Variants in FSTL5 observed in about 807,000 individuals in gnomAD.
FSTL5 encodes the protein follistatin like 5.
In FSTL5, 62 loss-of-function variants were observed where a neutral mutation model predicts 89.1. That is an observed-to-expected ratio of 0.70 (90% CI 0.57 to 0.86). The LOEUF (loss-of-function observed/expected upper bound fraction) is 0.86, where lower values mean the gene tolerates loss of function less well. FSTL5 is among the 40% of genes least tolerant of loss of function. The probability of loss-of-function intolerance (pLI) is 0.00; values close to 1 mark genes in which losing one functional copy is unlikely to be tolerated. For missense variants in FSTL5, 1,057 were observed against 1,001.6 expected (o/e 1.06, Z -0.75); for synonymous variants, 383 against 346.2 (o/e 1.11, Z -1.18).
intron 4 of FSTL5, among the ~76,000 whole-genome samples, chr4:161,810,960 C>CGTCA (rs1730118982): frequency 6.6e-6 from 1 of 152,092 alleles, no homozygotes; most frequent in Non-Finnish European, 1.5e-5. Context: ...AGTAACTATG[C>CGTCA]GTCAGCCTCG....
At chr4:161,401,727 C>G (rs1578945615) in intron 15 of FSTL5, among the ~76,000 whole-genome samples, 1 of 152,084 alleles carries the variant, frequency 6.6e-6, no homozygotes, top group African/African-American at 2.4e-5. Flanking sequence ...TGGGATTTCA[C>G]CGTGTTAGCC....
intron 4 of FSTL5, among the ~76,000 whole-genome samples, chr4:161,779,356 T>A (rs1741538088): frequency 6.6e-6 from 1 of 152,168 alleles, no homozygotes; most frequent in Non-Finnish European, 1.5e-5. Context: ...TGTGAATTTA[T>A]TAGTTTAGAA....
chr4:161,501,624 G>A (rs1205091163), intron 11 of FSTL5, among the ~76,000 whole-genome samples: 1 of 151,860 alleles, frequency 6.6e-6, no homozygotes, highest in Non-Finnish European at 1.5e-5. Flanking sequence ...TTTAATAGAT[G>A]TAATCTTTAA....
At chr4:161,640,934 T>A (rs1735936371) in intron 7 of FSTL5, among the ~76,000 whole-genome samples, 2 of 151,828 alleles carry the variant, frequency 1.3e-5, no homozygotes, top group South Asian at 2.1e-4. Flanking sequence ...ATACAAGAGA[T>A]CCTTAGTACA....
chr4:162,077,656 T>G (rs1435180514), intron 2 of FSTL5, among the ~76,000 whole-genome samples: 1 of 151,578 alleles, frequency 6.6e-6, no homozygotes, highest in African/African-American at 2.4e-5. Context: ...TGGTGATAAT[T>G]AAAAAAATAA....
At chr4:162,041,074 T>G (rs112181856) in intron 2 of FSTL5, among the ~76,000 whole-genome samples, 81 of 152,024 alleles carry the variant, frequency 5.3e-4, no homozygotes, top group African/African-American at 1.7e-3. Flanking sequence ...TGATATTCAA[T>G]AGTGGAATTA....
chr4:162,029,264 G>C (rs1475877255), intron 3 of FSTL5, among the ~76,000 whole-genome samples: 2 of 151,776 alleles, frequency 1.3e-5, no homozygotes, highest in Non-Finnish European at 2.9e-5. Flanking sequence ...ATTAGATATA[G>C]TCTTAACATA....
At chr4:162,133,011 C>G (rs74836327) in intron 1 of FSTL5, among the ~76,000 whole-genome samples, 35,338 of 151,864 alleles carry the variant, frequency 0.23, 4,255 homozygotes, top group Non-Finnish European at 0.25. Flanking sequence ...GGCGCAATCT[C>G]GGCTCACTGC....
intron 7 of FSTL5, among the ~76,000 whole-genome samples, chr4:161,615,444 C>CAAAAAAAAAA (rs570217571): frequency 2.3e-5 from 2 of 87,364 alleles, no homozygotes; most frequent in Non-Finnish European, 2.4e-5. Flanking sequence ...GACTCCATCT[C>CAAAAAAAAAA]AAAAAAAAAA....
At chr4:161,798,796 A>T (rs1028975176) in intron 4 of FSTL5, among the ~76,000 whole-genome samples, 2 of 151,746 alleles carry the variant, frequency 1.3e-5, no homozygotes, top group African/African-American at 4.8e-5. Context: ...TTAGCATTTC[A>T]TGCCAAATGC....
intron 6 of FSTL5, among the ~76,000 whole-genome samples, chr4:161,678,456 G>A (rs1175452464): frequency 6.6e-6 from 1 of 151,796 alleles, no homozygotes; most frequent in Non-Finnish European, 1.5e-5. Context: ...CATTACTGCT[G>A]CTGTTGATAA....
intron 2 of FSTL5, among the ~76,000 whole-genome samples, chr4:162,106,469 G>A (rs1251898674): frequency 6.6e-6 from 1 of 151,994 alleles, no homozygotes; most frequent in African/African-American, 2.4e-5. Context: ...GACCCCAAAA[G>A]GATTTAACCA....
At chr4:161,617,357 C>T (rs1188123584) in intron 7 of FSTL5, among the ~76,000 whole-genome samples, 2 of 151,702 alleles carry the variant, frequency 1.3e-5, no homozygotes, top group Non-Finnish European at 2.9e-5. Flanking sequence ...AGAAAAAGTA[C>T]TAAAGAAAAG....
intron 7 of FSTL5, among the ~76,000 whole-genome samples, chr4:161,620,182 A>C (rs1303701079): frequency 7.4e-5 from 8 of 108,804 alleles, no homozygotes; most frequent in African/African-American, 3.0e-4. Context: ...CACTCTGGGG[A>C]CTGTTGTGGG....
intron 3 of FSTL5, among the ~76,000 whole-genome samples, chr4:162,011,601 C>T (rs1736770401): frequency 1.3e-5 from 2 of 152,150 alleles, no homozygotes; most frequent in East Asian, 3.9e-4. Flanking sequence ...TCAAGTGACT[C>T]TCCTGCCTCA....
chr4:161,528,220 C>G (rs940274849), intron 10 of FSTL5, among the ~76,000 whole-genome samples: 7 of 139,642 alleles, frequency 5.0e-5, no homozygotes, highest in African/African-American at 1.5e-4. Context: ...GGGTGCAGCA[C>G]ACCAGCATGT....
chr4:161,425,224 G>C (rs1732130902), intron 15 of FSTL5, among the ~76,000 whole-genome samples: 1 of 152,108 alleles, frequency 6.6e-6, no homozygotes, highest in South Asian at 2.1e-4. Flanking sequence ...GCTGTTAAAA[G>C]TTTTCAGAGG....
chr4:162,011,823 C>G lies in FSTL5; in HGVS notation c.160+21802G>C, dbSNP rs988333906. ...TCAGTTTACTCTGTTAACCCTTACA[C>G]TTAGTTTCAGTTGTTTCATTTGTTT... is the stretch of plus-strand genomic sequence containing the variant. On this transcript the variant is annotated intron_variant, in intron 3 of 15. Coordinates refer to ENST00000306100, the MANE Select transcript of FSTL5 (RefSeq NM_020116.5). Among the ~76,000 whole-genome samples, 3 of 151,974 alleles carry G rather than the reference C, an allele frequency of 2.0e-5. No individual in the cohort carries two copies. In the East Asian group the frequency reaches 5.8e-4, roughly 29 times the overall value.
intron 6 of FSTL5, among the ~76,000 whole-genome samples, chr4:161,718,674 C>A (rs1739088458): frequency 6.6e-6 from 1 of 152,144 alleles, no homozygotes; most frequent in Non-Finnish European, 1.5e-5. Flanking sequence ...GTGGCCCACC[C>A]ACCTCAGCCT....
Sources: gnomAD v4.1 joint callset for allele counts (sites outside exome capture counted in the v4.1 genomes callset) on GRCh38, gnomAD v4.1.1 for gene constraint, MANE v1.5 for transcripts, NCBI Gene and HGNC (gene_info 2026-07-23, HGNC 2026-07-21) for gene names.